Variants in LLGL2 observed in about 807,000 individuals in gnomAD.
The protein encoded by LLGL2 is LLGL scribble cell polarity complex component 2, also known as LLGL2, scribble cell polarity complex component.
Under a neutral mutation model 123.2 loss-of-function variants are expected in LLGL2, and 81 were observed. That is an observed-to-expected ratio of 0.66 (90% CI 0.55 to 0.79). The LOEUF (loss-of-function observed/expected upper bound fraction) is 0.79, where lower values mean the gene tolerates loss of function less well. Among genes scored for constraint, LLGL2 ranks in the 30% least tolerant of loss-of-function variants. LLGL2 has a pLI of 0.00. For synonymous variants in LLGL2, 577 were observed against 594.1 expected, an observed-to-expected ratio of 0.97 and a Z score of 0.42; for missense variants, 1,273 against 1,414.6, an observed-to-expected ratio of 0.90 and a Z score of 1.61.
At position 75,559,671 on chromosome 17, in the gene LLGL2, TGTCA is replaced by T. The variant is rs2055109809; in HGVS notation, c.530+265_530+268del. Reference sequence around the variant, plus strand: ...CAAATGACTGTGTAATGTCACCGACTGTCAGTCCAGTGTCCTTTGCACTTGCCAT... The same window carrying T: ...CAAATGACTGTGTAATGTCACCGACTGTCCAGTGTCCTTTGCACTTGCCAT... On this transcript the variant is annotated intron_variant, in intron 6 of 25. Coordinates refer to ENST00000392550, the MANE Select transcript of LLGL2 (RefSeq NM_001031803.2). The surrounding 1 kb of genome is among the most constrained non-coding windows in gnomAD (Gnocchi z 4.6). Among the ~76,000 whole-genome samples the T allele has an allele frequency of 6.6e-6, 1 of 152,244 alleles. No homozygotes were observed. The highest frequency in any genetic ancestry group is 1.5e-5 in the Non-Finnish European group (1 of 68,028).
intron 2 of LLGL2, among the ~76,000 whole-genome samples, chr17:75,550,237 G>A (rs2054606180): frequency 1.3e-5 from 2 of 152,254 alleles, no homozygotes; most frequent in South Asian, 2.1e-4. Context: ...GCGATTCAGG[G>A]TTGCTGTGTG....
upstream of LLGL2, chr17:75,525,022 CGA>C (rs930545177): frequency 3.4e-4 from 53 of 157,520 alleles, no homozygotes; most frequent in Middle Eastern, 3.4e-3. The surrounding 1 kb of genome is among the most constrained non-coding windows in gnomAD (Gnocchi z 4.8). Flanking sequence ...GTGCGGGTGG[CGA>C]GAGGCGCCAC....
At chr17:75,573,418 C>G (rs895143338) in intron 20 of LLGL2, 63 bp from the exon 21 acceptor site, 2 of 1,576,692 alleles carry the variant, frequency 1.3e-6, no homozygotes, top group Non-Finnish European at 8.7e-7. Context: ...CCTACTCCCC[C>G]AGGTGGGGAG....
At chr17:75,536,564 C>T (rs993197078) in intron 1 of LLGL2, among the ~76,000 whole-genome samples, 2 of 152,176 alleles carry the variant, frequency 1.3e-5, no homozygotes, top group African/African-American at 4.8e-5. Flanking sequence ...TGGTGAGCAC[C>T]GGAACATTCC....
intron 10 of LLGL2, among the ~76,000 whole-genome samples, chr17:75,566,239 G>T (rs919001644): frequency 1.3e-5 from 2 of 152,194 alleles, no homozygotes; most frequent in Non-Finnish European, 2.9e-5. Context: ...GTGGAGGCAC[G>T]GTAAGGACTT....
At chr17:75,568,327 C>T in intron 10 of LLGL2, 149 bp from the exon 11 acceptor site, 1 of 1,443,032 alleles carries the variant, frequency 6.9e-7, no homozygotes, top group African/African-American at 1.4e-5. Flanking sequence ...CTGCTGCCCT[C>T]CTGGAGATGG....
intron 12 of LLGL2, 39 bp from the exon 13 acceptor site, chr17:75,568,939 G>A (rs376790455): frequency 4.4e-6 from 7 of 1,592,222 alleles, no homozygotes; most frequent in Non-Finnish European, 6.0e-6. Flanking sequence ...ATCCCGGCTG[G>A]CATCCCTCTC....
At chr17:75,568,916 C>G in intron 12 of LLGL2, 62 bp from the exon 13 acceptor site, 1 of 1,577,014 alleles carries the variant, frequency 6.3e-7, no homozygotes, top group Non-Finnish European at 8.6e-7. Flanking sequence ...GGTGGACGAG[C>G]CAGCCCCTGG....
Position 75,558,322 on chromosome 17 carries a change from G to T in LLGL2, c.255+86G>T. On this transcript the variant is annotated intron_variant, in intron 4 of 25. Coordinates refer to ENST00000392550, the MANE Select transcript of LLGL2 (RefSeq NM_001031803.2). This position sits in a 1 kb window ranked among gnomAD's most constrained non-coding sequence, Gnocchi z 4.0. ...CAGCAGGGCTGGTGTGGAGAGGCTG[G>T]CATTCGGTGGCCCTGGGTTTGCTGC... The T allele has an allele frequency of 7.3e-7, 1 of 1,368,348 alleles. No individual in the cohort carries two copies. The allele number at this position is 1,368,348 out of a possible 1,614,324, so 84.8% of individuals were successfully genotyped here. A position where few individuals can be genotyped will look rare whatever the true frequency, so the allele number is the denominator to read the frequency against.
At chr17:75,541,860 G>T (rs112258196) in intron 1 of LLGL2, among the ~76,000 whole-genome samples, 1,710 of 150,968 alleles carry the variant, frequency 0.011, 30 homozygotes, top group African/African-American at 0.038. Flanking sequence ...CTTCCAAGTA[G>T]CTGGGATTAC....
chr17:75,573,402 C>A, intron 20 of LLGL2, 79 bp from the exon 21 acceptor site: 1 of 1,560,622 alleles, frequency 6.4e-7, no homozygotes, highest in Non-Finnish European at 8.7e-7. Context: ...CGAGGGAGCA[C>A]TAGCCCCTAC....
At chr17:75,562,862 G>T in intron 6 of LLGL2, 154 bp from the exon 7 acceptor site, 1 of 931,178 alleles carries the variant, frequency 1.1e-6, no homozygotes, top group East Asian at 2.7e-5. Context: ...GAGCCACCAC[G>T]CTCGGCCATC....
chr17:75,551,075 C>A (rs926688904), intron 2 of LLGL2, among the ~76,000 whole-genome samples: 1 of 152,196 alleles, frequency 6.6e-6, no homozygotes, highest in African/African-American at 2.4e-5. Context: ...CCTGAGGAAT[C>A]CCCTGGGAGA....
chr17:75,574,767 G>A (rs1424734198), intron 25 of LLGL2, 99 bp downstream of exon 25: 11 of 1,588,808 alleles, frequency 6.9e-6, no homozygotes, highest in Admixed American at 3.3e-5. Context: ...GGGCTGACAC[G>A]TGCCCTGATG....
At chr17:75,562,161 C>T (rs1367038829) in intron 6 of LLGL2, 1 of 152,124 alleles carries the variant, frequency 6.6e-6, no homozygotes, top group Non-Finnish European at 1.5e-5. Context: ...CACCTCCAGC[C>T]CTCACGGCAG....
At chr17:75,546,074 A>G (rs1489891194) in intron 2 of LLGL2, 1 of 152,092 alleles carries the variant, frequency 6.6e-6, no homozygotes, top group Non-Finnish European at 1.5e-5. Flanking sequence ...TGGAATAGAG[A>G]ACTATTCAGG....
At chr17:75,532,174 C>T (rs2053823336) in intron 1 of LLGL2, among the ~76,000 whole-genome samples, 1 of 146,514 alleles carries the variant, frequency 6.8e-6, no homozygotes, top group South Asian at 2.2e-4. Context: ...TCCCCAGGTT[C>T]AAGTGATTCT....
intron 21 of LLGL2, 38 bp downstream of exon 21, chr17:75,573,669 G>A (rs113492706): frequency 0.036 from 35,211 of 966,758 alleles, 458 homozygotes; most frequent in Middle Eastern, 0.061. Flanking sequence ...CGCCCCTCCC[G>A]CCCCTCCCTG....
rs1212710250 is a variant in LLGL2 at position 75,573,590 on chromosome 17, T to G, written c.2835T>G (p.Pro945=). 2.5e-6 allele frequency: 4 copies of G among 1,611,898 alleles called. No homozygotes were observed. Among genetic ancestry groups the G allele is most frequent in the East Asian group, 2.2e-5 (1 of 44,866 alleles). ...VDSAETKNHR[P]GNGAGPKKAP... is the part of the protein sequence containing the mutation. ...CAGCAGAAACCAAGAACCACCGCCCTGGTAACGGTGCGGGCCCCAAGAAGG... is the reference window on the plus strand; with the variant it reads ...CAGCAGAAACCAAGAACCACCGCCCGGGTAACGGTGCGGGCCCCAAGAAGG... The change falls in exon 21 of 26, where the codon CCT becomes CCG. Residue 945 remains proline (P), a synonymous_variant. Coordinates refer to ENST00000392550, the MANE Select transcript of LLGL2 (RefSeq NM_001031803.2).
Sources: gnomAD v4.1 joint callset for allele counts (sites outside exome capture counted in the v4.1 genomes callset) on GRCh38, gnomAD v4.1.1 for gene constraint, Gnocchi (gnomAD v3.1) non-coding constraint, MANE v1.5 for transcripts, NCBI Gene and HGNC (gene_info 2026-07-23, HGNC 2026-07-21) for gene names.